Variants in RIMS1 observed in about 807,000 individuals in gnomAD.
The protein encoded by RIMS1 is regulating synaptic membrane exocytosis protein 1.
RIMS1 carries 83 observed loss-of-function variants against 214.1 expected under a neutral mutation model. The ratio of observed to expected loss-of-function variants is 0.39; its 90% CI spans 0.32 to 0.47. The LOEUF (loss-of-function observed/expected upper bound fraction) is 0.47, where lower values mean the gene tolerates loss of function less well. RIMS1 is among the 20% of genes least tolerant of loss of function. The pLI, the probability that RIMS1 is intolerant of heterozygous loss-of-function variation, is 0.99. For missense variants in RIMS1, 2,050 were observed against 2,161.8 expected (o/e 0.95, Z 1.03); for synonymous variants, 793 against 786.8 (o/e 1.01, Z -0.13).
chr6:72,002,966 C>G (rs1053665202), intron 2 of RIMS1, among the ~76,000 whole-genome samples: 4 of 152,176 alleles, frequency 2.6e-5, no homozygotes, highest in South Asian at 4.1e-4. Context: ...GTCTCTATCT[C>G]CTGCACCAGT....
chr6:72,399,398 T>A (rs2098815124), intron 33 of RIMS1, among the ~76,000 whole-genome samples: 1 of 151,778 alleles, frequency 6.6e-6, no homozygotes, highest in South Asian at 2.1e-4. Context: ...GATAGATAGA[T>A]GATAAATAGA....
chr6:72,053,426 C>A (rs1825271415), intron 2 of RIMS1, among the ~76,000 whole-genome samples: 1 of 152,084 alleles, frequency 6.6e-6, no homozygotes, highest in Non-Finnish European at 1.5e-5. Context: ...TACGAGTGAC[C>A]CAATCAGCCC....
intron 26 of RIMS1, among the ~76,000 whole-genome samples, chr6:72,293,563 A>T (rs1486869537): frequency 6.6e-6 from 1 of 151,962 alleles, no homozygotes; most frequent in Non-Finnish European, 1.5e-5. Flanking sequence ...ATTTTGCTAA[A>T]GATTGATATT....
chr6:72,329,794 T>C (rs1458919015), intron 28 of RIMS1, among the ~76,000 whole-genome samples: 2 of 151,666 alleles, frequency 1.3e-5, no homozygotes, highest in African/African-American at 2.4e-5. Context: ...GTTGGGTAGA[T>C]GGGTGCCTAT....
intron 4 of RIMS1, among the ~76,000 whole-genome samples, chr6:72,152,624 C>G (rs972228704): frequency 1.3e-5 from 2 of 151,374 alleles, no homozygotes; most frequent in Admixed American, 6.6e-5. Flanking sequence ...TATCACAGCA[C>G]TCATGGAGAT....
rs747921988 is a variant in RIMS1, at chr6:72,251,211, T to C, written c.2545-4T>C. 3.6e-5 allele frequency: 57 copies of C among 1,592,598 alleles called. No homozygotes were observed. The highest frequency in any genetic ancestry group is 4.6e-5 in the Non-Finnish European group (54 of 1,168,220). ...TTGATTTAATTTGAGAATTACCCTC[T>C]CAGATCCTCATAGAATTGGAGACAG... On this transcript the variant is annotated splice_polypyrimidine_tract_variant and splice_region_variant and intron_variant, in intron 14 of 33. Coordinates refer to ENST00000521978, the MANE Select transcript of RIMS1 (RefSeq NM_014989.7).
intron 2 of RIMS1, among the ~76,000 whole-genome samples, chr6:71,972,453 T>C (rs1796090965): frequency 6.6e-6 from 1 of 152,172 alleles, no homozygotes; most frequent in South Asian, 2.1e-4. Flanking sequence ...GTGATAGTAC[T>C]CATATCACTT....
chr6:71,887,618 G>A (rs1188194692), intron 1 of RIMS1, among the ~76,000 whole-genome samples: 2 of 152,110 alleles, frequency 1.3e-5, no homozygotes, highest in African/African-American at 4.8e-5. Flanking sequence ...TTCTCTTCTT[G>A]GAGTTGTTTA....
At chr6:72,110,061 A>G (rs1379307929) in intron 4 of RIMS1, among the ~76,000 whole-genome samples, 7 of 152,198 alleles carry the variant, frequency 4.6e-5, no homozygotes, top group South Asian at 2.1e-4. Flanking sequence ...ATTTATCTAT[A>G]TCTCTGTTTT....
chr6:72,262,501 T>A, intron 19 of RIMS1: 2 of 985,324 alleles, frequency 2.0e-6, no homozygotes, highest in Non-Finnish European at 2.4e-6. Context: ...GAAACATATG[T>A]CACCAGTGTC....
intron 2 of RIMS1, among the ~76,000 whole-genome samples, chr6:72,020,022 A>G (rs1743686765): frequency 6.6e-6 from 1 of 152,212 alleles, no homozygotes; most frequent in South Asian, 2.1e-4. Flanking sequence ...AGAGGCAGAA[A>G]ACTGGGGTTC....
chr6:72,036,582 C>A (rs1682381561), intron 2 of RIMS1, among the ~76,000 whole-genome samples: 1 of 152,128 alleles, frequency 6.6e-6, no homozygotes, highest in Non-Finnish European at 1.5e-5. Context: ...TAAAATAAAT[C>A]TAATAAAATA....
chr6:72,368,574 A>G (rs1226834331), intron 29 of RIMS1, among the ~76,000 whole-genome samples: 1 of 151,876 alleles, frequency 6.6e-6, no homozygotes, highest in Non-Finnish European at 1.5e-5. Flanking sequence ...CTTTGAAGAT[A>G]CATACACAGT....
intron 2 of RIMS1, among the ~76,000 whole-genome samples, chr6:72,002,336 G>A (rs948744719): frequency 2.0e-5 from 3 of 151,938 alleles, no homozygotes; most frequent in African/African-American, 7.2e-5. Context: ...GTTCTAAAAT[G>A]TATAGAATAT....
intron 2 of RIMS1, among the ~76,000 whole-genome samples, chr6:72,052,866 A>G (rs536168406): frequency 6.6e-5 from 10 of 152,194 alleles, no homozygotes; most frequent in Non-Finnish European, 1.0e-4. Context: ...CACTTTTAGT[A>G]TGAAAAGGGA....
chr6:72,258,987 A>C lies in RIMS1; in HGVS notation c.2929A>C (p.Ser977Arg). ...SRLPNVPLQR[S>R]LDEIHPTRRS... ...ATAAGAATTTTGTAATCATTTTAGG[A>C]GTTTAGATGAAATTCATCCAACAAG... Residue 977 changes from serine (S) to arginine (R), a missense_variant and splice_region_variant, in exon 18 of 34, where the codon AGT (serine) becomes CGT (arginine). Coordinates refer to ENST00000521978, the MANE Select transcript of RIMS1 (RefSeq NM_014989.7). 1 of 1,612,626 alleles carries C rather than the reference A, an allele frequency of 6.2e-7. No homozygotes were observed. The highest frequency in any genetic ancestry group is 1.1e-5 in the South Asian group (1 of 91,064).
intron 2 of RIMS1, among the ~76,000 whole-genome samples, chr6:72,003,610 CTG>C (rs145370139): frequency 1.6e-4 from 24 of 148,960 alleles, no homozygotes; most frequent in East Asian, 3.9e-4. Context: ...AGGTGTGTGT[CTG>C]TGTGTGTGTG....
intron 1 of RIMS1, among the ~76,000 whole-genome samples, chr6:71,903,904 G>A (rs535955435): frequency 6.6e-6 from 1 of 152,190 alleles, no homozygotes; most frequent in East Asian, 1.9e-4. Flanking sequence ...TTTCATACAT[G>A]TATGTATATA....
At chr6:72,236,656 C>A (rs780858640) in intron 8 of RIMS1, among the ~76,000 whole-genome samples, 47 of 151,928 alleles carry the variant, frequency 3.1e-4, no homozygotes, top group Admixed American at 5.3e-4. Flanking sequence ...TTATGGTGCC[C>A]TTTTATTGTT....
Sources: gnomAD v4.1 joint callset for allele counts (sites outside exome capture counted in the v4.1 genomes callset) on GRCh38, gnomAD v4.1.1 for gene constraint, MANE v1.5 for transcripts, NCBI Gene and HGNC (gene_info 2026-07-23, HGNC 2026-07-21) for gene names.